Variants in DNAH6 observed in about 807,000 individuals in gnomAD.
DNAH6 encodes axonemal beta dynein heavy chain 6.
A neutral mutation model predicts 491.4 loss-of-function variants in DNAH6; 340 were observed. The ratio of observed to expected loss-of-function variants is 0.69; its 90% CI spans 0.63 to 0.76. The LOEUF (loss-of-function observed/expected upper bound fraction) is 0.76, where lower values mean the gene tolerates loss of function less well. Ranked by LOEUF, DNAH6 falls within the 30% of genes least tolerant of loss-of-function variation. DNAH6 has a pLI of 0.00. For synonymous variants in DNAH6, 1,603 were observed against 1,686.1 expected (o/e 0.95, Z 1.21); for missense variants, 4,443 against 4,972.2 (o/e 0.89, Z 3.20).
chr2:84,622,148 G>T (rs1359487509), intron 26 of DNAH6, among the ~76,000 whole-genome samples: 1 of 151,990 alleles, frequency 6.6e-6, no homozygotes, highest in Admixed American at 6.6e-5. Context: ...CTTTTTCTAT[G>T]AATTTAACTA....
At chr2:84,639,339 C>T (rs927159506) in intron 31 of DNAH6, among the ~76,000 whole-genome samples, 24 of 151,526 alleles carry the variant, frequency 1.6e-4, no homozygotes, top group Admixed American at 5.9e-4. Context: ...ATGGATTGGA[C>T]GAATTTGAAA....
chr2:84,735,082 A>G (rs1558976960), intron 62 of DNAH6, among the ~76,000 whole-genome samples: 2 of 151,896 alleles, frequency 1.3e-5, no homozygotes, highest in Non-Finnish European at 1.5e-5. Flanking sequence ...CTCAGGGTCT[A>G]TTGTTCCCTC....
intron 63 of DNAH6, among the ~76,000 whole-genome samples, chr2:84,752,952 T>C (rs1027569870): frequency 2.6e-5 from 4 of 152,250 alleles, no homozygotes; most frequent in Non-Finnish European, 5.9e-5. Context: ...CATTATATGG[T>C]ATGTTTAACT....
At chr2:84,802,641 A>G (rs917330806) in intron 70 of DNAH6, among the ~76,000 whole-genome samples, 4 of 152,196 alleles carry the variant, frequency 2.6e-5, no homozygotes, top group African/African-American at 9.7e-5. Context: ...TCCACTGACA[A>G]CATTAGATCA....
the DNAH6 span, among the ~76,000 whole-genome samples, chr2:84,499,395 A>G: frequency 6.6e-6 from 1 of 152,232 alleles, no homozygotes; most frequent in African/African-American, 2.4e-5. Flanking sequence ...ATGGCTAAAT[A>G]GTACTCCATT....
At chr2:84,814,419 G>A (rs113410949) in intron 75 of DNAH6, among the ~76,000 whole-genome samples, 1 of 152,144 alleles carries the variant, frequency 6.6e-6, no homozygotes, top group Non-Finnish European at 1.5e-5. Context: ...AAAAGCAAGG[G>A]TTTAAAAACG....
chr2:84,533,806 G>A (rs1677410355), intron 4 of DNAH6, among the ~76,000 whole-genome samples: 1 of 152,134 alleles, frequency 6.6e-6, no homozygotes, highest in Non-Finnish European at 1.5e-5. Flanking sequence ...AGTGCTAAAA[G>A]CAGACTCCAG....
At position 84,669,317 on chromosome 2, in the gene DNAH6, T is replaced by C. The variant is rs1469529167; in HGVS notation, c.6113T>C (p.Ile2038Thr). 3.2e-6 allele frequency: 5 copies of C among 1,550,032 alleles called. No individual in the cohort carries two copies. Among genetic ancestry groups the C allele is most frequent in the Non-Finnish European group, 3.5e-6 (4 of 1,145,592 alleles). ...RLPNSGDLWS[I>T]HMDFDTKRLD... ...CCCAATTCTGGTGATCTGTGGAGCA[T>C]TCATATGGACTTTGACACCAAACGG... Residue 2038 changes from isoleucine to threonine, a missense_variant, in exon 38 of 77, where the codon ATT becomes ACT. Physicochemically the swap from Ile to Thr is moderately conservative, Grantham distance 89. Around this residue, in one of 3 missense-constraint regions of DNAH6, gnomAD observed 2,977 missense variants for 3,296.6 expected, o/e 0.90. Transcript: ENST00000389394.
chr2:84,599,432 G>A (rs879426751), intron 18 of DNAH6, among the ~76,000 whole-genome samples: 3 of 151,320 alleles, frequency 2.0e-5, no homozygotes, highest in African/African-American at 7.3e-5. Flanking sequence ...TTTTCTCTAT[G>A]TTTCTTCTGT....
chr2:84,517,219 A>G (rs1675684336), intron 1 of DNAH6, among the ~76,000 whole-genome samples: 1 of 152,188 alleles, frequency 6.6e-6, no homozygotes, highest in Non-Finnish European at 1.5e-5. Flanking sequence ...AGAGTGCAAG[A>G]CCATTACAAA....
Position 84,533,326 on chromosome 2 carries a change from G to T in DNAH6, c.662+4160G>T, listed in dbSNP as rs12616698. Among the ~76,000 whole-genome samples, 783 of 152,196 alleles carry T rather than the reference G, an allele frequency of 5.1e-3. 18 individuals carry two copies. The East Asian group carries it at 0.088, about 17-fold the overall frequency. ...AGATTTTATTTCAATCATGAAATATGCAGGAAATGAAGAGTAAGATTTAGA... is the reference window on the plus strand; with the variant it reads ...AGATTTTATTTCAATCATGAAATATTCAGGAAATGAAGAGTAAGATTTAGA... On this transcript the variant is annotated intron_variant, in intron 4 of 76. Coordinates refer to ENST00000389394, the MANE Select transcript of DNAH6 (RefSeq NM_001370.2).
chr2:84,491,381 T>C, the DNAH6 span, among the ~76,000 whole-genome samples: 4 of 152,130 alleles, frequency 2.6e-5, no homozygotes, highest in East Asian at 7.7e-4. Flanking sequence ...TTTTTTAGGG[T>C]GGGAGGGGGA....
the DNAH6 span, among the ~76,000 whole-genome samples, chr2:84,503,413 C>G: frequency 6.6e-6 from 1 of 152,030 alleles, no homozygotes; most frequent in South Asian, 2.1e-4. Flanking sequence ...ATACTTAGGA[C>G]AAGAGTACAA....
intron 62 of DNAH6, among the ~76,000 whole-genome samples, chr2:84,743,757 G>A (rs528397082): frequency 1.3e-5 from 2 of 152,184 alleles, no homozygotes; most frequent in Non-Finnish European, 2.9e-5. Context: ...GGGAGGCAAA[G>A]GTTGCAGTGA....
At chr2:84,647,478 T>A (rs1690012274) in intron 33 of DNAH6, among the ~76,000 whole-genome samples, 1 of 152,202 alleles carries the variant, frequency 6.6e-6, no homozygotes, top group East Asian at 1.9e-4. Flanking sequence ...AAGGCCAGGC[T>A]GACTCTAGTT....
chr2:84,679,993 C>G (rs180857837), intron 41 of DNAH6, among the ~76,000 whole-genome samples: 349 of 152,316 alleles, frequency 2.3e-3, no homozygotes, highest in Non-Finnish European at 3.8e-3. Flanking sequence ...CTTGTCTATT[C>G]TCCATCATAC....
At chr2:84,639,713 C>T (rs1389824962) in intron 31 of DNAH6, among the ~76,000 whole-genome samples, 1 of 152,110 alleles carries the variant, frequency 6.6e-6, no homozygotes, top group African/African-American at 2.4e-5. Flanking sequence ...AGCCACTGCA[C>T]CTGGCCTGTT....
rs780089923 is a variant in DNAH6, at chr2:84,688,611, G to A, written c.7292+18G>A. The A allele has an allele frequency of 2.6e-5, 39 of 1,500,600 alleles. No homozygotes were observed. The highest frequency in any genetic ancestry group is 8.1e-5 in the South Asian group (6 of 74,204). The allele number at this position is 1,500,600 out of a possible 1,614,324, so 93.0% of individuals were successfully genotyped here. A position where few individuals can be genotyped will look rare whatever the true frequency, so the allele number is the denominator to read the frequency against. ...GTTTCAAGGTATAGTGCTATAAGGC[G>A]CCCAATAATGCATTGATTTAATATT... On this transcript the variant is annotated intron_variant, in intron 45 of 76. Coordinates refer to ENST00000389394, the MANE Select transcript of DNAH6 (RefSeq NM_001370.2).
At chr2:84,519,710 T>C (rs1372034429) in intron 2 of DNAH6, among the ~76,000 whole-genome samples, 1 of 151,298 alleles carries the variant, frequency 6.6e-6, no homozygotes, top group East Asian at 1.9e-4. Flanking sequence ...CTCTTTCTTT[T>C]CTACTCTTCT....
Sources: allele counts gnomAD v4.1 joint callset (sites outside exome capture counted in the v4.1 genomes callset), GRCh38; gene constraint gnomAD v4.1.1; regional missense constraint gnomAD v4.1.1; transcripts MANE v1.5; gene names NCBI Gene and HGNC (gene_info 2026-07-23, HGNC 2026-07-21).